Variants in MED13 observed in about 807,000 individuals in gnomAD.
The protein encoded by MED13 is mediator of RNA polymerase II transcription subunit 13.
A neutral mutation model predicts 225.2 loss-of-function variants in MED13; 23 were observed. The observed-to-expected ratio is 0.10, with a 90% CI of 0.07 to 0.14. MED13 has a LOEUF of 0.14. MED13 is among the 10% of genes least tolerant of loss of function. MED13 has a pLI of 1.00. For synonymous variants in MED13, 942 were observed against 889.2 expected (o/e 1.06, Z -1.06); for missense variants, 2,197 against 2,594.5 (o/e 0.85, Z 3.33).
At chr17:61,956,827 C>T (rs972565143) in intron 23 of MED13, among the ~76,000 whole-genome samples, 7 of 152,060 alleles carry the variant, frequency 4.6e-5, no homozygotes, top group Admixed American at 2.6e-4. Context: ...TGTGAGCCAC[C>T]GTGCCATCCC....
chr17:62,007,469 T>A (rs955893740), intron 9 of MED13: 2 of 152,154 alleles, frequency 1.3e-5, no homozygotes, highest in Non-Finnish European at 2.9e-5. Context: ...ATCTGAATCA[T>A]GGAAGTTTTA....
intron 3 of MED13, among the ~76,000 whole-genome samples, chr17:62,042,291 C>T (rs1012009661): frequency 1.3e-5 from 2 of 151,990 alleles, no homozygotes; most frequent in Admixed American, 6.5e-5. Context: ...TGGCCAGGCA[C>T]GGGGGCTGAT....
chr17:62,047,541 C>A (rs2080909188), intron 3 of MED13, among the ~76,000 whole-genome samples: 1 of 152,088 alleles, frequency 6.6e-6, no homozygotes, highest in Non-Finnish European at 1.5e-5. Flanking sequence ...ACATCACAGA[C>A]TGGGGCCTGT....
chr17:62,035,215 T>C (rs1044625119), intron 4 of MED13, among the ~76,000 whole-genome samples: 4 of 152,182 alleles, frequency 2.6e-5, no homozygotes, highest in Non-Finnish European at 4.4e-5. Context: ...AAATCCATTA[T>C]GCTATCTAAA....
intron 9 of MED13, among the ~76,000 whole-genome samples, chr17:61,997,993 T>G (rs921299789): frequency 1.7e-4 from 26 of 152,204 alleles, no homozygotes; most frequent in Admixed American, 7.9e-4. Context: ...TCACAGACAT[T>G]AGCATGTGCA....
In MED13 at chr17:61,965,427, A is replaced by C; in HGVS notation, c.4423T>G (p.Ser1475Ala). Residue 1475 changes from serine to alanine, a missense_variant, in exon 20 of 30, where the codon TCC (serine) becomes GCC (alanine). By Grantham distance (99) the Ser-to-Ala change is moderately conservative. Transcript: ENST00000397786. ...GTAGGGGCAACTAAATTTGGCTGGGAAAGTAGAGAGCTGTCCAATGGCAGG... is the reference window on the plus strand; with the variant it reads ...GTAGGGGCAACTAAATTTGGCTGGGCAAGTAGAGAGCTGTCCAATGGCAGG... The part of the protein sequence containing the change: ...ASLPLDSSLL[S>A]QPNLVAPTSQ... 1 of 1,614,184 alleles carries C rather than the reference A, an allele frequency of 6.2e-7. No homozygotes were observed. The highest frequency in any genetic ancestry group is 8.5e-7 in the Non-Finnish European group (1 of 1,180,020).
intron 8 of MED13, among the ~76,000 whole-genome samples, chr17:62,016,562 C>T (rs1259073950): frequency 6.6e-6 from 1 of 152,192 alleles, no homozygotes; most frequent in Non-Finnish European, 1.5e-5. Flanking sequence ...CTATTAGACA[C>T]TTGACAAGTG....
intron 16 of MED13, among the ~76,000 whole-genome samples, chr17:61,974,020 G>A (rs1210704710): frequency 1.3e-5 from 2 of 151,984 alleles, no homozygotes; most frequent in Non-Finnish European, 2.9e-5. Context: ...AAAGTGTACG[G>A]AACTAGATAA....
intron 27 of MED13, 31 bp from the exon 28 acceptor site, chr17:61,951,029 T>C (rs950731733): frequency 1.9e-6 from 3 of 1,573,718 alleles, no homozygotes; most frequent in Non-Finnish European, 2.6e-6. Flanking sequence ...AGTATATTAG[T>C]TCACTCAGTG....
At position 61,983,120 on chromosome 17, in the gene MED13, A is replaced by G; in HGVS notation, c.2889-6T>C. 1 of 1,586,692 alleles carries G rather than the reference A, an allele frequency of 6.3e-7. No individual in the cohort carries two copies. The highest frequency in any genetic ancestry group is 1.1e-5 in the South Asian group (1 of 88,180). On this transcript the variant is annotated splice_region_variant and splice_polypyrimidine_tract_variant and intron_variant, in intron 15 of 29. Coordinates refer to ENST00000397786, the MANE Select transcript of MED13 (RefSeq NM_005121.3). ...GATCCATATTACTTCCATCACTATC[A>G]TCACCAGGGTAAAAGAAGATCAAAT... is the stretch of plus-strand genomic sequence containing the variant.
intron 5 of MED13, 86 bp downstream of exon 5, chr17:62,033,700 TA>T: frequency 1.6e-6 from 2 of 1,262,446 alleles, no homozygotes; most frequent in South Asian, 1.4e-5. Context: ...GCCACTGAGT[TA>T]TTAGACTTGT....
Position 62,036,229 on chromosome 17 carries a change from TATTA to T in MED13, c.471-625_471-622del, listed in dbSNP as rs531087510. Among the ~76,000 whole-genome samples, 671 of 152,280 alleles carry T rather than the reference TATTA, an allele frequency of 4.4e-3. 6 individuals carry two copies. Among genetic ancestry groups the T allele is most frequent in the African/African-American group, 0.015 (604 of 41,566 alleles). The stretch of plus-strand genomic sequence containing the variant: ...AGAAACTATAAATGTTTTCTCACTT[TATTA>T]ATTAATTGGACTAATCATTTAATGC... On this transcript the variant is annotated intron_variant, in intron 3 of 29. Coordinates refer to ENST00000397786, the MANE Select transcript of MED13 (RefSeq NM_005121.3).
chr17:61,981,793 C>T (rs1180698113), intron 16 of MED13, among the ~76,000 whole-genome samples: 1 of 152,116 alleles, frequency 6.6e-6, no homozygotes, highest in African/African-American at 2.4e-5. Context: ...CCTATTTTCT[C>T]CACTAAATTA....
rs775598371 is a variant in MED13, at chr17:61,983,147, T to C, written c.2889-33A>G. 5 of 1,489,822 alleles carry C rather than the reference T, an allele frequency of 3.4e-6. No individual in the cohort carries two copies. In the East Asian group the frequency reaches 9.4e-5, roughly 28 times the overall value. 92.3% of individuals were successfully genotyped at this position (1,489,822 alleles called of 1,614,324 possible). On this transcript the variant is annotated intron_variant, in intron 15 of 29. Coordinates refer to ENST00000397786, the MANE Select transcript of MED13 (RefSeq NM_005121.3). ...CACCAGGGTAAAAGAAGATCAAATA[T>C]ATATATAAAGGAACATATTAGTAAT... is the stretch of plus-strand genomic sequence containing the variant.
intron 23 of MED13, among the ~76,000 whole-genome samples, chr17:61,959,726 C>CTTT (rs11288442): frequency 5.8e-5 from 7 of 119,684 alleles, no homozygotes; most frequent in African/African-American, 9.8e-5. Context: ...GAACCCAAAT[C>CTTT]TTTTTTTTTT....
At chr17:61,979,204 A>G (rs997198832) in intron 16 of MED13, among the ~76,000 whole-genome samples, 2 of 152,152 alleles carry the variant, frequency 1.3e-5, no homozygotes, top group Non-Finnish European at 2.9e-5. Flanking sequence ...CCTCTCCTCA[A>G]TAGTATCACT....
At chr17:61,990,650 T>TATATATATATATATATACAC (rs1491124278) in intron 11 of MED13, among the ~76,000 whole-genome samples, 1 of 141,140 alleles carries the variant, frequency 7.1e-6, no homozygotes, top group African/African-American at 2.7e-5. Flanking sequence ...TATATATATA[T>TATATATATATATATATACAC]ACACACTCCC....
Position 61,955,470 on chromosome 17 carries a change from T to C in MED13, c.5880A>G (p.Ile1960Met), listed in dbSNP as rs2079934527. 2 of 1,603,460 alleles carry C rather than the reference T, an allele frequency of 1.2e-6. No homozygotes were observed. The highest frequency in any genetic ancestry group is 1.3e-5 in the African/African-American group (1 of 74,400). The change falls in exon 26 of 30, where the codon ATA becomes ATG. Residue 1960 changes from isoleucine (I) to methionine (M), a missense_variant. Coordinates refer to ENST00000397786, the MANE Select transcript of MED13 (RefSeq NM_005121.3). ...CAGAAGCAGAAGTAGGAAACACAAG[T>C]ATATGAGTACATGATGTATCCTGTG... Reference protein sequence around the residue: ...NTPQDTSCTHILVFPTSASVQ... With the variant: ...NTPQDTSCTHMLVFPTSASVQ...
intron 10 of MED13, 111 bp from the exon 11 acceptor site, chr17:61,992,732 T>C (rs752073026): frequency 6.5e-5 from 41 of 634,426 alleles, no homozygotes; most frequent in Non-Finnish European, 1.0e-4. Flanking sequence ...TTAACATACA[T>C]TATCACTGAT....
Sources: allele counts gnomAD v4.1 joint callset (sites outside exome capture counted in the v4.1 genomes callset), GRCh38; gene constraint gnomAD v4.1.1; transcripts MANE v1.5; gene names NCBI Gene and HGNC (gene_info 2026-07-23, HGNC 2026-07-21).